Variants in DENND5A observed in about 807,000 individuals in gnomAD.
The protein encoded by DENND5A is DENN domain containing 5A, also known as DENN domain-containing protein 5A.
A neutral mutation model predicts 140.3 loss-of-function variants in DENND5A; 64 were observed. That is an observed-to-expected ratio of 0.46 (90% CI 0.37 to 0.56). DENND5A has a LOEUF of 0.56. DENND5A is among the 20% of genes least tolerant of loss of function. The pLI is 0.00. For synonymous variants in DENND5A, 605 were observed against 607.7 expected, an observed-to-expected ratio of 1.00 and a Z score of 0.07; for missense variants, 1,292 against 1,593.8, an observed-to-expected ratio of 0.81 and a Z score of 3.22.
At chr11:9,258,379 C>T (rs968729029) in intron 1 of DENND5A, among the ~76,000 whole-genome samples, 20 of 142,174 alleles carry the variant, frequency 1.4e-4, no homozygotes, top group African/African-American at 5.0e-4. Flanking sequence ...ATGTGGTGTT[C>T]CGTTTTCTGT....
intron 1 of DENND5A, among the ~76,000 whole-genome samples, chr11:9,207,872 G>A (rs1849745016): frequency 6.6e-6 from 1 of 152,080 alleles, no homozygotes; most frequent in African/African-American, 2.4e-5. Flanking sequence ...GCTGACTGCA[G>A]ACCTACTAAT....
intron 5 of DENND5A, among the ~76,000 whole-genome samples, chr11:9,188,060 G>A (rs779126145): frequency 6.6e-6 from 1 of 152,138 alleles, no homozygotes; most frequent in Non-Finnish European, 1.5e-5. Context: ...GTTTGGCTGT[G>A]TCCCCACCCA....
At chr11:9,215,753 T>C (rs1850066603) in intron 1 of DENND5A, among the ~76,000 whole-genome samples, 1 of 152,064 alleles carries the variant, frequency 6.6e-6, no homozygotes, top group Admixed American at 6.6e-5. Flanking sequence ...TTTCGCCGTG[T>C]TGGCCAGGCT....
intron 1 of DENND5A, among the ~76,000 whole-genome samples, chr11:9,256,417 G>A (rs888910299): frequency 6.6e-6 from 1 of 151,986 alleles, no homozygotes; most frequent in African/African-American, 2.4e-5. Context: ...CCGAGATTGC[G>A]CCATTGCACT....
chr11:9,237,646 G>A (rs989593735), intron 1 of DENND5A, among the ~76,000 whole-genome samples: 6 of 152,146 alleles, frequency 3.9e-5, no homozygotes, highest in African/African-American at 1.4e-4. Flanking sequence ...AGCACTTTGG[G>A]AGGCCGAGGC....
intron 1 of DENND5A, among the ~76,000 whole-genome samples, chr11:9,254,369 T>C (rs1851859354): frequency 6.6e-6 from 1 of 152,096 alleles, no homozygotes. Context: ...TACAGAAATT[T>C]AGCTTGTATT....
At chr11:9,185,965 TAATAAAA>T in intron 5 of DENND5A, among the ~76,000 whole-genome samples, 1 of 152,280 alleles carries the variant, frequency 6.6e-6, no homozygotes, top group East Asian at 1.9e-4. Context: ...GTGTCTGTGA[TAATAAAA>T]AATAAAAAAG....
chr11:9,170,539 C>A, intron 9 of DENND5A, 88 bp downstream of exon 9: 1 of 1,506,874 alleles, frequency 6.6e-7, no homozygotes, highest in South Asian at 1.2e-5. Flanking sequence ...AGTACAAGGT[C>A]TTCTAGGGGT....
intron 1 of DENND5A, among the ~76,000 whole-genome samples, chr11:9,252,338 G>A (rs1190222674): frequency 4.8e-5 from 7 of 146,798 alleles, no homozygotes; most frequent in African/African-American, 1.3e-4. Context: ...AAATCTGGCC[G>A]TAATAGCCTG....
At chr11:9,170,805 CACACACACACACATAAAT>C (rs1409436775) in intron 8 of DENND5A, 28 bp from the exon 9 acceptor site, 10 of 1,611,228 alleles carry the variant, frequency 6.2e-6, no homozygotes, top group African/African-American at 1.3e-5. Flanking sequence ...CACACACACA[CACACACACACACATAAAT>C]ACACACACAA....
At chr11:9,154,224 C>T (rs1242878859) in intron 12 of DENND5A, among the ~76,000 whole-genome samples, 2 of 152,026 alleles carry the variant, frequency 1.3e-5, no homozygotes, top group Non-Finnish European at 1.5e-5. Flanking sequence ...TATCTCTATC[C>T]CTATTTTCTG....
At chr11:9,238,541 C>T (rs1425681765) in intron 1 of DENND5A, among the ~76,000 whole-genome samples, 2 of 151,674 alleles carry the variant, frequency 1.3e-5, no homozygotes, top group Non-Finnish European at 2.9e-5. Flanking sequence ...ATCAGCTTCC[C>T]GAGTAGCTGG....
chr11:9,253,009 C>T (rs967148622), intron 1 of DENND5A, among the ~76,000 whole-genome samples: 1 of 146,500 alleles, frequency 6.8e-6, no homozygotes, highest in Non-Finnish European at 1.5e-5. Flanking sequence ...CACCACTACA[C>T]CAGGCTAATT....
At position 9,140,994 on chromosome 11, in the gene DENND5A, C is replaced by T. The variant is rs144933492; in HGVS notation, c.3680+946G>A. Reference sequence around the variant, plus strand: ...ATACAAAACTAGCCAGGCGTGATGGCGCATGCCTGTAATCCCAGCTACTCG... The same window carrying T: ...ATACAAAACTAGCCAGGCGTGATGGTGCATGCCTGTAATCCCAGCTACTCG... On this transcript the variant is annotated intron_variant, in intron 22 of 22. Coordinates refer to ENST00000328194, the MANE Select transcript of DENND5A (RefSeq NM_015213.4). Among the ~76,000 whole-genome samples the T allele has an allele frequency of 9.8e-3, 1,499 of 152,196 alleles. 14 individuals carry two copies. Among genetic ancestry groups the T allele is most frequent in the Admixed American group, 0.014 (221 of 15,290 alleles).
chr11:9,234,389 T>G (rs547038113), intron 1 of DENND5A, among the ~76,000 whole-genome samples: 1 of 151,728 alleles, frequency 6.6e-6, no homozygotes, highest in South Asian at 2.1e-4. Context: ...ATATAAAGAA[T>G]GAGTAATTTT....
At chr11:9,149,531 T>C (rs1240169728) in intron 15 of DENND5A, among the ~76,000 whole-genome samples, 2 of 152,090 alleles carry the variant, frequency 1.3e-5, no homozygotes, top group African/African-American at 4.8e-5. Context: ...ATGAACCACG[T>C]TTCTGGGGAG....
chr11:9,180,487 A>G (rs765586819), intron 6 of DENND5A, among the ~76,000 whole-genome samples: 1 of 152,182 alleles, frequency 6.6e-6, no homozygotes, highest in African/African-American at 2.4e-5. Flanking sequence ...TAAGATTACT[A>G]TCATGGTCTC....
chr11:9,172,717 C>A (rs1353648148), intron 8 of DENND5A, among the ~76,000 whole-genome samples: 1 of 152,202 alleles, frequency 6.6e-6, no homozygotes. Context: ...GTCAATTAAA[C>A]CTCTTTCCTT....
chr11:9,261,944 T>TA (rs1554938497), intron 1 of DENND5A, among the ~76,000 whole-genome samples: 4 of 152,030 alleles, frequency 2.6e-5, no homozygotes, highest in Non-Finnish European at 5.9e-5. Flanking sequence ...ACCACATTTT[T>TA]AAAAAAACAG....
Sources: gnomAD v4.1 joint callset for allele counts (sites outside exome capture counted in the v4.1 genomes callset) on GRCh38, gnomAD v4.1.1 for gene constraint, MANE v1.5 for transcripts, NCBI Gene and HGNC (gene_info 2026-07-23, HGNC 2026-07-21) for gene names.